Variants in SGMS1 observed in about 807,000 individuals in gnomAD.
The protein encoded by SGMS1 is sphingomyelin synthase 1.
Under a neutral mutation model 46.2 loss-of-function variants are expected in SGMS1, and 13 were observed. That is an observed-to-expected ratio of 0.28 (90% CI 0.18 to 0.45). The LOEUF (loss-of-function observed/expected upper bound fraction) is 0.45. Among genes scored for constraint, SGMS1 ranks in the 20% least tolerant of loss-of-function variants. SGMS1 has a pLI of 1.00. For synonymous variants in SGMS1, 203 were observed against 187.8 expected (o/e 1.08, Z -0.66); for missense variants, 324 against 519.9 (o/e 0.62, Z 3.66).
chr10:50,369,033 T>C (rs1258645535), intron 6 of SGMS1, among the ~76,000 whole-genome samples: 2 of 152,178 alleles, frequency 1.3e-5, no homozygotes, highest in African/African-American at 4.8e-5. Context: ...ATCAAACATA[T>C]GAACCATAGC....
intron 1 of SGMS1, among the ~76,000 whole-genome samples, chr10:50,607,615 C>A (rs1263529578): frequency 6.6e-6 from 1 of 152,304 alleles, no homozygotes; most frequent in African/African-American, 2.4e-5. Flanking sequence ...ATTTTTCTCT[C>A]AACTGGTTGT....
At chr10:50,439,262 A>T (rs1849512506) in intron 5 of SGMS1, among the ~76,000 whole-genome samples, 2 of 152,208 alleles carry the variant, frequency 1.3e-5, no homozygotes, top group South Asian at 4.1e-4. Flanking sequence ...AGTAACAATC[A>T]TTCTCAACCA....
intron 6 of SGMS1, among the ~76,000 whole-genome samples, chr10:50,424,445 AAAT>A (rs1480730157): frequency 6.6e-6 from 1 of 152,324 alleles, no homozygotes; most frequent in Non-Finnish European, 1.5e-5. Context: ...ATCTATATTA[AAAT>A]ACCTGTCTAA....
intron 6 of SGMS1, among the ~76,000 whole-genome samples, chr10:50,361,287 G>C (rs1211475212): frequency 6.6e-6 from 1 of 152,040 alleles, no homozygotes; most frequent in Non-Finnish European, 1.5e-5. Flanking sequence ...AGACGAACGA[G>C]GTCACCCTGC....
At chr10:50,428,050 T>A (rs1198703451) in intron 6 of SGMS1, among the ~76,000 whole-genome samples, 1 of 151,914 alleles carries the variant, frequency 6.6e-6, no homozygotes, top group African/African-American at 2.4e-5. Flanking sequence ...GGGAGGATGG[T>A]GCCTAAAGGG....
chr10:50,471,994 T>A (rs1008700591), intron 3 of SGMS1, among the ~76,000 whole-genome samples: 1 of 152,208 alleles, frequency 6.6e-6, no homozygotes, highest in Non-Finnish European at 1.5e-5. Context: ...CATATTATAT[T>A]TGTGTTACCA....
At position 50,567,149 on chromosome 10, in the gene SGMS1, G is replaced by A. The variant is rs543752990; in HGVS notation, c.-589+23004C>T. On this transcript the variant is annotated intron_variant, in intron 2 of 10. Coordinates refer to ENST00000361781, the MANE Select transcript of SGMS1 (RefSeq NM_147156.4). Reference sequence around the variant, plus strand: ...TTTACTAGAGACGGGGTTTCACCATGTTGGCCAGGCTGGTCTCGAACTCCT... The same window carrying A: ...TTTACTAGAGACGGGGTTTCACCATATTGGCCAGGCTGGTCTCGAACTCCT... Among the ~76,000 whole-genome samples the A allele has an allele frequency of 3.5e-4, 54 of 152,270 alleles. No homozygotes were observed. In the East Asian group the frequency reaches 9.9e-3, roughly 28 times the overall value.
rs774601683 is a variant in SGMS1 at position 50,307,329 on chromosome 10, A to G, written c.1063-8T>C. 6.2e-7 allele frequency: 1 copy of G among 1,605,962 alleles called. No individual in the cohort carries two copies. Among genetic ancestry groups the G allele is most frequent in the Non-Finnish European group, 8.5e-7 (1 of 1,176,356 alleles). The stretch of plus-strand genomic sequence containing the variant: ...GGAAGCTTCCTTTAGCACCTAGGAT[A>G]ACAAAGAAACATAAACACATTTCTT... On this transcript the variant is annotated splice_region_variant and splice_polypyrimidine_tract_variant and intron_variant, in intron 10 of 10. Transcript: ENST00000361781. The surrounding 1 kb of genome is among the most constrained non-coding windows in gnomAD (Gnocchi z 4.2).
intron 3 of SGMS1, among the ~76,000 whole-genome samples, chr10:50,500,986 T>C (rs1837656916): frequency 6.6e-6 from 1 of 152,204 alleles, no homozygotes; most frequent in Non-Finnish European, 1.5e-5. Flanking sequence ...CATCTGATTT[T>C]CCAAAGAACC....
At chr10:50,421,150 C>CA (rs934119788) in intron 6 of SGMS1, among the ~76,000 whole-genome samples, 20 of 151,808 alleles carry the variant, frequency 1.3e-4, no homozygotes, top group African/African-American at 4.8e-4. Context: ...ATATAGTTAT[C>CA]AAAAAAAAGT....
chr10:50,318,003 T>G (rs573704092), intron 8 of SGMS1, among the ~76,000 whole-genome samples: 1 of 152,156 alleles, frequency 6.6e-6, no homozygotes, highest in East Asian at 1.9e-4. Context: ...AGGGTTTCAC[T>G]GTGTTGCCCA....
intron 6 of SGMS1, among the ~76,000 whole-genome samples, chr10:50,404,630 A>G (rs1024351325): frequency 1.3e-5 from 2 of 152,200 alleles, no homozygotes; most frequent in African/African-American, 4.8e-5. Flanking sequence ...TGACCTTTCC[A>G]GAGAAGAATT....
At chr10:50,442,074 T>C (rs1156691629) in intron 5 of SGMS1, among the ~76,000 whole-genome samples, 1 of 152,180 alleles carries the variant, frequency 6.6e-6, no homozygotes, top group Admixed American at 6.5e-5. Flanking sequence ...AATTATACTT[T>C]AAGTTCTGGA....
intron 6 of SGMS1, among the ~76,000 whole-genome samples, chr10:50,389,964 G>A (rs1007503009): frequency 6.6e-6 from 1 of 152,114 alleles, no homozygotes; most frequent in African/African-American, 2.4e-5. Context: ...CAATGACTTT[G>A]AATACTTTAC....
intron 6 of SGMS1, among the ~76,000 whole-genome samples, chr10:50,414,838 C>A (rs796136229): frequency 6.6e-6 from 1 of 152,220 alleles, no homozygotes; most frequent in Non-Finnish European, 1.5e-5. Flanking sequence ...TCAAGCGACA[C>A]TATCGACACC....
chr10:50,360,345 T>C (rs1848226601), intron 6 of SGMS1, among the ~76,000 whole-genome samples: 1 of 152,244 alleles, frequency 6.6e-6, no homozygotes, highest in African/African-American at 2.4e-5. Flanking sequence ...ACAATTGTTC[T>C]ATTATCTAGA....
At chr10:50,624,928 T>G, upstream of SGMS1, 1 of 1,014,218 alleles carries the variant, frequency 9.9e-7, no homozygotes, top group Non-Finnish European at 1.2e-6. Context: ...ACCACGTGAC[T>G]GTCCGCGGCG....
At chr10:50,355,026 C>G (rs1207450892) in intron 6 of SGMS1, among the ~76,000 whole-genome samples, 2 of 152,302 alleles carry the variant, frequency 1.3e-5, no homozygotes, top group African/African-American at 4.8e-5. Context: ...TTGTGGAAGT[C>G]AGTGTGATGA....
chr10:50,560,551 A>G (rs1009996472), intron 2 of SGMS1, among the ~76,000 whole-genome samples: 1 of 145,262 alleles, frequency 6.9e-6, no homozygotes, highest in Non-Finnish European at 1.5e-5. Context: ...ATTTATGTGT[A>G]ATATATTATA....
Sources: gnomAD v4.1 joint callset for allele counts (sites outside exome capture counted in the v4.1 genomes callset) on GRCh38, gnomAD v4.1.1 for gene constraint, Gnocchi (gnomAD v3.1) non-coding constraint, MANE v1.5 for transcripts, NCBI Gene and HGNC (gene_info 2026-07-23, HGNC 2026-07-21) for gene names.